The following PTPRG variants were observed in gnomAD, a reference collection of about 807,000 sequenced individuals.
The protein encoded by PTPRG is receptor-type tyrosine-protein phosphatase gamma.
Under a neutral mutation model 165.3 loss-of-function variants are expected in PTPRG, and 102 were observed. That is an observed-to-expected ratio of 0.62 (90% confidence interval 0.53 to 0.73). The LOEUF is 0.73. PTPRG is among the 30% of genes least tolerant of loss of function. The probability of loss-of-function intolerance (pLI) is 0.00; values close to 1 mark genes in which losing one functional copy is unlikely to be tolerated. For missense variants in PTPRG, 1,866 were observed against 1,861.4 expected (o/e 1.00, Z -0.05); for synonymous variants, 675 against 669.5 (o/e 1.01, Z -0.13).
chr3:61,964,554 G>A (rs1399583301), intron 2 of PTPRG, among the ~76,000 whole-genome samples: 2 of 152,024 alleles, frequency 1.3e-5, no homozygotes, highest in Admixed American at 6.6e-5. Flanking sequence ...ATTCCAAATC[G>A]CTGAACTGCC....
chr3:61,601,310 C>T (rs1049636081), intron 1 of PTPRG, among the ~76,000 whole-genome samples: 6 of 152,148 alleles, frequency 3.9e-5, no homozygotes, highest in East Asian at 3.9e-4. Flanking sequence ...ATCAGGGTAT[C>T]GGCTTCTGTT....
At chr3:61,693,741 C>T (rs1559560046) in intron 1 of PTPRG, among the ~76,000 whole-genome samples, 1 of 152,090 alleles carries the variant, frequency 6.6e-6, no homozygotes, top group Non-Finnish European at 1.5e-5. Flanking sequence ...TGCAGCGGCT[C>T]ACGCCTATAA....
intron 1 of PTPRG, among the ~76,000 whole-genome samples, chr3:61,658,926 C>CT (rs1702585878): frequency 6.6e-6 from 1 of 152,202 alleles, no homozygotes; most frequent in Non-Finnish European, 1.5e-5. Flanking sequence ...ACTTCTGAAT[C>CT]TGTGTTCAGA....
At chr3:62,004,860 G>C (rs1050608214) in intron 4 of PTPRG, among the ~76,000 whole-genome samples, 6 of 152,152 alleles carry the variant, frequency 3.9e-5, no homozygotes, top group African/African-American at 1.4e-4. Context: ...TTGATAATCT[G>C]ATGAATTCTT....
At chr3:61,947,453 A>C (rs1360483311) in intron 2 of PTPRG, among the ~76,000 whole-genome samples, 1 of 152,220 alleles carries the variant, frequency 6.6e-6, no homozygotes, top group Non-Finnish European at 1.5e-5. Context: ...AAGTGCACAG[A>C]GTATGCAGTG....
chr3:61,960,584 C>T (rs774811525), intron 2 of PTPRG, among the ~76,000 whole-genome samples: 19 of 152,154 alleles, frequency 1.2e-4, no homozygotes, highest in Non-Finnish European at 2.8e-4. Context: ...TTAATATACT[C>T]TGCTTGACAG....
rs1703080263 is a variant in PTPRG, at chr3:62,296,820, A to T, written c.*3513A>T. On this transcript the variant is annotated 3_prime_UTR_variant, in exon 30 of 30. Transcript: ENST00000474889. Reference sequence around the variant, plus strand: ...GGCCTCTACTTTGTCTTAGCTGTTAAACTGTTTTTAGTATTTTTGTTAAAT... The same window carrying T: ...GGCCTCTACTTTGTCTTAGCTGTTATACTGTTTTTAGTATTTTTGTTAAAT... The T allele has an allele frequency of 6.6e-6, 1 of 152,074 alleles. No individual in the cohort carries two copies. The highest frequency in any genetic ancestry group is 1.5e-5 in the Non-Finnish European group (1 of 67,966). The allele number at this position is 152,074 out of a possible 1,614,324, so 9.4% of individuals were successfully genotyped here.
intron 1 of PTPRG, among the ~76,000 whole-genome samples, chr3:61,601,631 T>C (rs544319009): frequency 1.7e-4 from 26 of 152,356 alleles, no homozygotes; most frequent in African/African-American, 5.5e-4. Flanking sequence ...CTCATATTTA[T>C]TGAGTACCTC....
At chr3:61,731,372 C>T (rs1312643815) in intron 1 of PTPRG, among the ~76,000 whole-genome samples, 3 of 136,906 alleles carry the variant, frequency 2.2e-5, no homozygotes, top group African/African-American at 5.5e-5. Context: ...TTTTTTGAGA[C>T]GGAGTCTTGC....
At chr3:61,589,769 A>T (rs1700522017) in intron 1 of PTPRG, among the ~76,000 whole-genome samples, 1 of 150,666 alleles carries the variant, frequency 6.6e-6, no homozygotes, top group Admixed American at 6.6e-5. Context: ...GGATGAGTGG[A>T]TGGGTAGATG....
Position 62,266,751 on chromosome 3 carries a change from A to G in PTPRG, c.2657-659A>G, listed in dbSNP as rs376423079. 2.9e-4 allele frequency among the ~76,000 whole-genome samples: 43 copies of G among 150,736 alleles called. 1 individual carries two copies. The East Asian group carries it at 6.8e-3, about 24-fold the overall frequency. ...CATTCTGTTTCTACCTAGGGAAAAT[A>G]AAATTATAACCTCAGCTTCCTTTTA... On this transcript the variant is annotated intron_variant, in intron 17 of 29. Coordinates refer to ENST00000474889, the MANE Select transcript of PTPRG (RefSeq NM_002841.4).
intron 7 of PTPRG, among the ~76,000 whole-genome samples, chr3:62,164,964 G>A (rs1050260657): frequency 6.6e-5 from 10 of 152,218 alleles, no homozygotes; most frequent in South Asian, 4.1e-4. Context: ...GAAAATTTCC[G>A]GTCTAATTCA....
intron 2 of PTPRG, among the ~76,000 whole-genome samples, chr3:61,848,240 A>C (rs2036860483): frequency 6.6e-6 from 1 of 151,940 alleles, no homozygotes. Flanking sequence ...CCATGTTTGC[A>C]CTCTCTCTCG....
intron 2 of PTPRG, among the ~76,000 whole-genome samples, chr3:61,912,424 A>G (rs1319678107): frequency 1.3e-5 from 2 of 152,196 alleles, no homozygotes; most frequent in Non-Finnish European, 2.9e-5. Flanking sequence ...GTAGTGTCTC[A>G]GCATCATTTA....
At chr3:61,892,127 G>A (rs1010072842) in intron 2 of PTPRG, among the ~76,000 whole-genome samples, 15 of 152,148 alleles carry the variant, frequency 9.9e-5, no homozygotes, top group African/African-American at 3.1e-4. Context: ...TTTTACAGAT[G>A]GGAAAGTATA....
chr3:61,965,113 A>T (rs1384683398), intron 2 of PTPRG, among the ~76,000 whole-genome samples: 1 of 151,970 alleles, frequency 6.6e-6, no homozygotes, highest in African/African-American at 2.4e-5. Flanking sequence ...ACGTGGTGGC[A>T]TGTACCTGTA....
At chr3:61,998,166 T>C (rs17274931) in intron 3 of PTPRG, among the ~76,000 whole-genome samples, 4,955 of 152,300 alleles carry the variant, frequency 0.033, 99 homozygotes, top group Non-Finnish European at 0.05. Context: ...AAGAATGCTA[T>C]GAATGCCAGG....
intron 5 of PTPRG, among the ~76,000 whole-genome samples, chr3:62,123,401 A>G (rs1703155146): frequency 1.3e-5 from 2 of 152,174 alleles, no homozygotes; most frequent in Non-Finnish European, 2.9e-5. Flanking sequence ...GTGCACCACC[A>G]AACACTGGCT....
intron 2 of PTPRG, among the ~76,000 whole-genome samples, chr3:61,778,086 G>A (rs552885239): frequency 5.3e-4 from 80 of 152,256 alleles, no homozygotes; most frequent in African/African-American, 1.8e-3. Flanking sequence ...AACCCATTTT[G>A]TTATTGGTAG....
Sources: gnomAD v4.1 joint callset for allele counts (sites outside exome capture counted in the v4.1 genomes callset) on GRCh38, gnomAD v4.1.1 for gene constraint, MANE v1.5 for transcripts, NCBI Gene and HGNC (gene_info 2026-07-23, HGNC 2026-07-21) for gene names.